The following CFAP77 variants were observed in gnomAD, a reference collection of about 807,000 sequenced individuals.
CFAP77 encodes the protein cilia and flagella associated protein 77.
Under a neutral mutation model 31.1 loss-of-function variants are expected in CFAP77, and 25 were observed. The ratio of observed to expected loss-of-function variants is 0.80; its 90% CI spans 0.59 to 1.12. The LOEUF (loss-of-function observed/expected upper bound fraction) is 1.12. CFAP77 is among the 50% of genes most tolerant of loss of function. The pLI is 0.00. For missense variants in CFAP77, 377 were observed against 397.3 expected, an observed-to-expected ratio of 0.95 and a Z score of 0.44; for synonymous variants, 151 against 159.9, an observed-to-expected ratio of 0.94 and a Z score of 0.42.
intron 3 of CFAP77, among the ~76,000 whole-genome samples, chr9:132,520,044 A>G (rs972579314): frequency 1.3e-5 from 2 of 151,476 alleles, no homozygotes; most frequent in Non-Finnish European, 2.9e-5. Context: ...CTCCCCCTGA[A>G]ATGTCCTTGG....
chr9:132,498,598 GAAAT>G lies in CFAP77; in HGVS notation c.196-96_196-93del. On this transcript the variant is annotated intron_variant, in intron 1 of 5. Coordinates refer to ENST00000393216, the MANE Select transcript of CFAP77 (RefSeq NM_001282957.2). This position sits in a 1 kb window ranked among gnomAD's most constrained non-coding sequence, Gnocchi z 4.2. ...CTGAAGGCCACGGCAGGGCCTGGGG[GAAAT>G]GCAGGCATCTGGTGCCTCCCTGCTG... 5 of 908,696 alleles carry G rather than the reference GAAAT, an allele frequency of 5.5e-6. No individual in the cohort carries two copies. The highest frequency in any genetic ancestry group is 6.9e-6 in the Non-Finnish European group (4 of 576,888). The allele number at this position is 908,696 out of a possible 1,614,324, so 56.3% of individuals were successfully genotyped here. A position where few individuals can be genotyped will look rare whatever the true frequency, so the allele number is the denominator to read the frequency against.
Position 132,499,388 on chromosome 9 carries a change from C to T in CFAP77, c.312C>T (p.Asn104=), listed in dbSNP as rs61755860. Reference sequence around the variant, plus strand: ...TGCCCTCAGCCATCGGACGCTGGAACGTGTTCAAGCAGCAGCCCACCTGCC... The same window carrying T: ...TGCCCTCAGCCATCGGACGCTGGAATGTGTTCAAGCAGCAGCCCACCTGCC... ...GGVPEAIGRW[N]VFKQQPTCPH... Residue 104 remains asparagine, a synonymous_variant, in exon 3 of 6, where the codon AAC becomes AAT. Transcript: ENST00000393216. The surrounding 1 kb of genome is among the most constrained non-coding windows in gnomAD (Gnocchi z 5.4). 1,031 of 1,614,092 alleles carry T rather than the reference C, an allele frequency of 6.4e-4. 1 individual carries two copies. The highest frequency in any genetic ancestry group is 2.0e-3 in the African/African-American group (147 of 75,034).
Position 132,545,365 on chromosome 9 carries a change from C to T in CFAP77, c.732+2318C>T, listed in dbSNP as rs1365648520. 1.3e-5 allele frequency among the ~76,000 whole-genome samples: 2 copies of T among 152,050 alleles called. No homozygotes were observed. The highest frequency in any genetic ancestry group is 2.9e-5 in the Non-Finnish European group (2 of 67,954). ...AGCACCTTCCTTGCCCAGAGAGTGG[C>T]GGGGACAGGAACCCAGGTGTGTCTG... On this transcript the variant is annotated intron_variant, in intron 5 of 5. Transcript: ENST00000393216. This position sits in a 1 kb window ranked among gnomAD's most constrained non-coding sequence, Gnocchi z 4.6.
At position 132,493,822 on chromosome 9, in the gene CFAP77, CAG is replaced by C. The variant is rs372614204; in HGVS notation, c.196-4870_196-4869del. Reference sequence around the variant, plus strand: ...GCCCACAGTAACGTTCTTTCATTCTCAGAGTTTCTTTTTTTCTTTCCTTTCTT... The same window carrying C: ...GCCCACAGTAACGTTCTTTCATTCTCAGTTTCTTTTTTTCTTTCCTTTCTT... On this transcript the variant is annotated intron_variant, in intron 1 of 5. Coordinates refer to ENST00000393216, the MANE Select transcript of CFAP77 (RefSeq NM_001282957.2). 2.0e-4 allele frequency among the ~76,000 whole-genome samples: 30 copies of C among 152,338 alleles called. No homozygotes were observed. The South Asian group carries it at 5.8e-3, about 29-fold the overall frequency.
chr9:132,457,589 C>A (rs188717234), intron 1 of CFAP77, among the ~76,000 whole-genome samples: 46 of 152,334 alleles, frequency 3.0e-4, no homozygotes, highest in African/African-American at 1.1e-3. Context: ...CCGCTAACAG[C>A]CCCGGCAGGG....
At chr9:132,489,364 G>A (rs763660904) in intron 1 of CFAP77, among the ~76,000 whole-genome samples, 7 of 152,130 alleles carry the variant, frequency 4.6e-5, no homozygotes, top group Non-Finnish European at 8.8e-5. Context: ...GTATTGGGGC[G>A]TGGCTGGGAG....
At chr9:132,485,083 G>A (rs1851517914) in intron 1 of CFAP77, among the ~76,000 whole-genome samples, 2 of 152,050 alleles carry the variant, frequency 1.3e-5, no homozygotes, top group East Asian at 1.9e-4. Flanking sequence ...TGAGAGCCAC[G>A]GCACCTGGCC....
chr9:132,526,077 A>T (rs989844859), intron 3 of CFAP77, among the ~76,000 whole-genome samples: 29 of 151,936 alleles, frequency 1.9e-4, no homozygotes, highest in African/African-American at 5.1e-4. Flanking sequence ...ATCTTTAAAT[A>T]AAAAAAAATT....
At chr9:132,439,286 C>T (rs1850573227) in intron 1 of CFAP77, among the ~76,000 whole-genome samples, 2 of 152,308 alleles carry the variant, frequency 1.3e-5, no homozygotes, top group South Asian at 4.1e-4. Flanking sequence ...TGGGTAGAAG[C>T]TGCTAAGCCA....
At chr9:132,487,966 C>T (rs754528536) in intron 1 of CFAP77, among the ~76,000 whole-genome samples, 2 of 152,116 alleles carry the variant, frequency 1.3e-5, no homozygotes, top group Non-Finnish European at 2.9e-5. Flanking sequence ...TGAACTACCC[C>T]CCCATGAGCA....
intron 3 of CFAP77, among the ~76,000 whole-genome samples, chr9:132,518,219 C>G (rs1852183457): frequency 6.6e-6 from 1 of 152,094 alleles, no homozygotes; most frequent in Non-Finnish European, 1.5e-5. Context: ...GGATGGGGCC[C>G]AGCGTGGAAG....
At chr9:132,413,312 GC>G in intron 1 of CFAP77, among the ~76,000 whole-genome samples, 1 of 152,286 alleles carries the variant, frequency 6.6e-6, no homozygotes, top group East Asian at 1.9e-4. Context: ...AGACATCCAA[GC>G]AGGTATTTTA....
chr9:132,510,886 C>T (rs977626354), intron 3 of CFAP77, among the ~76,000 whole-genome samples: 4 of 152,248 alleles, frequency 2.6e-5, no homozygotes, highest in African/African-American at 7.2e-5. Context: ...GATCCCCAGA[C>T]GGGCCCTAAG....
chr9:132,486,266 G>C (rs951840506), intron 1 of CFAP77, among the ~76,000 whole-genome samples: 2 of 149,370 alleles, frequency 1.3e-5, no homozygotes, highest in East Asian at 4.0e-4. Context: ...CTAATTTTTT[G>C]TATTTTTAAT....
At chr9:132,556,615 G>A (rs977319388) in intron 5 of CFAP77, among the ~76,000 whole-genome samples, 7 of 152,180 alleles carry the variant, frequency 4.6e-5, no homozygotes, top group African/African-American at 7.2e-5. Context: ...GGGAGAGGGG[G>A]GTGGCAGCTT....
intron 1 of CFAP77, among the ~76,000 whole-genome samples, chr9:132,472,234 G>A (rs746996224): frequency 6.6e-6 from 1 of 152,224 alleles, no homozygotes; most frequent in Non-Finnish European, 1.5e-5. Context: ...ATCTGACACT[G>A]GATATCATCT....
chr9:132,444,794 T>C (rs1307434614), intron 1 of CFAP77, among the ~76,000 whole-genome samples: 1 of 152,172 alleles, frequency 6.6e-6, no homozygotes, highest in African/African-American at 2.4e-5. Context: ...CATTTTTAAT[T>C]GTAGAGTTAC....
chr9:132,421,331 G>C (rs1040354050), intron 1 of CFAP77, among the ~76,000 whole-genome samples: 1 of 151,888 alleles, frequency 6.6e-6, no homozygotes, highest in Non-Finnish European at 1.5e-5. Context: ...AAGTATGTGG[G>C]GGGGAACTGA....
At chr9:132,443,433 A>G (rs771748091) in intron 1 of CFAP77, among the ~76,000 whole-genome samples, 3 of 151,972 alleles carry the variant, frequency 2.0e-5, no homozygotes, top group Non-Finnish European at 2.9e-5. Flanking sequence ...TTGTATTTTT[A>G]GTAGAGTTGG....
Sources: gnomAD v4.1 joint callset for allele counts (sites outside exome capture counted in the v4.1 genomes callset) on GRCh38, gnomAD v4.1.1 for gene constraint, Gnocchi (gnomAD v3.1) non-coding constraint, MANE v1.5 for transcripts, NCBI Gene and HGNC (gene_info 2026-07-23, HGNC 2026-07-21) for gene names.